Variants in DOCK9 observed in about 807,000 individuals in gnomAD.
The protein encoded by DOCK9 is dedicator of cytokinesis 9.
Under a neutral mutation model 263.3 loss-of-function variants are expected in DOCK9, and 89 were observed. The ratio of observed to expected loss-of-function variants is 0.34; its 90% confidence interval spans 0.28 to 0.40. DOCK9 has a LOEUF of 0.40. Ranked by LOEUF, DOCK9 falls within the 10% of genes least tolerant of loss-of-function variation. The pLI, the probability that DOCK9 is intolerant of heterozygous loss-of-function variation, is 1.00. For missense variants in DOCK9, 2,140 were observed against 2,603.4 expected, an observed-to-expected ratio of 0.82 and a Z score of 3.87; for synonymous variants, 976 against 973.1, an observed-to-expected ratio of 1.00 and a Z score of -0.06.
chr13:98,795,996 T>C (rs1322502683), intron 52 of DOCK9, among the ~76,000 whole-genome samples: 1 of 152,148 alleles, frequency 6.6e-6, no homozygotes, highest in Admixed American at 6.5e-5. Flanking sequence ...TGACCTCAGA[T>C]GATCCACCCA....
intron 10 of DOCK9, among the ~76,000 whole-genome samples, 195 bp from the exon 11 acceptor site, chr13:98,903,307 A>T (rs2048572841): frequency 6.6e-6 from 1 of 152,176 alleles, no homozygotes; most frequent in Admixed American, 6.5e-5. Flanking sequence ...ATGGTCAAAG[A>T]CATGGGCCGG....
chr13:99,008,235 T>TATATATATATATATA (rs1491213376), intron 1 of DOCK9, among the ~76,000 whole-genome samples: 20 of 58,088 alleles, frequency 3.4e-4, no homozygotes, highest in South Asian at 2.8e-3. Context: ...TATATATATA[T>TATATATATATATATA]TTTTTTTTTT....
At chr13:98,900,487 A>G (rs1289602997) in intron 13 of DOCK9, among the ~76,000 whole-genome samples, 2 of 152,238 alleles carry the variant, frequency 1.3e-5, no homozygotes, top group African/African-American at 2.4e-5. Flanking sequence ...TCCAGAGACC[A>G]AACTTTACAC....
At chr13:98,820,689 C>T (rs1489635623) in intron 45 of DOCK9, 2 of 430,078 alleles carry the variant, frequency 4.7e-6, no homozygotes, top group Non-Finnish European at 9.2e-6. Context: ...TTGCAAAAAT[C>T]GATATTATTA....
At chr13:98,905,639 T>C (rs1312223513) in intron 9 of DOCK9, among the ~76,000 whole-genome samples, 2 of 152,038 alleles carry the variant, frequency 1.3e-5, no homozygotes, top group East Asian at 1.9e-4. Flanking sequence ...ATGCCAAGGA[T>C]TGGGGATTTC....
At chr13:99,084,595 G>A (rs2042256257) in intron 1 of DOCK9, among the ~76,000 whole-genome samples, 1 of 152,198 alleles carries the variant, frequency 6.6e-6, no homozygotes, top group Non-Finnish European at 1.5e-5. Context: ...CGATGGGAAG[G>A]GCAGATATTC....
At chr13:99,037,834 A>T (rs749433474) in intron 1 of DOCK9, among the ~76,000 whole-genome samples, 37 of 152,220 alleles carry the variant, frequency 2.4e-4, no homozygotes, top group Non-Finnish European at 4.7e-4. Context: ...ATGCGTCTCA[A>T]ATTATGTGAA....
At chr13:99,077,819 G>A (rs1194811632) in intron 1 of DOCK9, among the ~76,000 whole-genome samples, 4 of 152,188 alleles carry the variant, frequency 2.6e-5, no homozygotes, top group Non-Finnish European at 5.9e-5. Flanking sequence ...TGAGGTCCCA[G>A]GACAATATGG....
chr13:98,901,945 C>T (rs1173939296), intron 12 of DOCK9, 45 bp from the exon 13 acceptor site: 3 of 1,597,716 alleles, frequency 1.9e-6, no homozygotes, highest in Admixed American at 1.7e-5. Context: ...TTCACAGCTA[C>T]GTTAAACAAA....
At chr13:98,920,054 C>T (rs781312852) in intron 7 of DOCK9, among the ~76,000 whole-genome samples, 21 of 151,940 alleles carry the variant, frequency 1.4e-4, no homozygotes, top group Admixed American at 4.0e-4. Flanking sequence ...GATGGATGGA[C>T]AGATGATGGA....
In DOCK9 at chr13:99,064,476, G is replaced by A. The variant is rs527455989; in HGVS notation, c.129+21747C>T. Among the ~76,000 whole-genome samples, 9 of 152,288 alleles carry A rather than the reference G, an allele frequency of 5.9e-5. No homozygotes were observed. In the South Asian group the frequency reaches 1.7e-3, roughly 28 times the overall value. On this transcript the variant is annotated intron_variant, in intron 1 of 32. Transcript: ENST00000427887. ...TAATTTATCAATCCATGCAGTGACT[G>A]AGCTTTTATTTGGAAATATGAAAGA...
chr13:98,911,011 A>C (rs2049930775), intron 9 of DOCK9, among the ~76,000 whole-genome samples: 1 of 152,174 alleles, frequency 6.6e-6, no homozygotes. Context: ...GATGATAAAC[A>C]GCCAAAACTG....
rs116536846 is a variant in DOCK9, at chr13:98,881,990, T to C, written c.2577A>G (p.Glu859=). 3.4e-4 allele frequency: 540 copies of C among 1,591,832 alleles called. 1 individual carries two copies. In the African/African-American group the frequency reaches 6.3e-3, roughly 18 times the overall value. The change falls in exon 24 of 53, where the codon GAA becomes GAG. Residue 859 remains glutamate (E), a synonymous_variant. Transcript: ENST00000682017. ...GCAAGAAGGCGATCATCACGTGGCCTTCCATCGCATGCAGACTCTACGGAC... is the reference window on the plus strand; with the variant it reads ...GCAAGAAGGCGATCATCACGTGGCCCTCCATCGCATGCAGACTCTACGGAC... The part of the protein sequence containing the change: ...VKYLKSLHAM[E]GHVMIAFLPT...
intron 10 of DOCK9, 84 bp from the exon 11 acceptor site, chr13:98,903,196 A>G: frequency 1.8e-6 from 2 of 1,126,494 alleles, no homozygotes; most frequent in East Asian, 5.4e-5. Context: ...GAAACGGAAT[A>G]AAATATGGAA....
chr13:99,047,640 T>C (rs1361113063), intron 1 of DOCK9, among the ~76,000 whole-genome samples: 1 of 150,756 alleles, frequency 6.6e-6, no homozygotes, highest in Non-Finnish European at 1.5e-5. Context: ...TGCCTCAGCC[T>C]CCTGAGTAGC....
intron 1 of DOCK9, among the ~76,000 whole-genome samples, chr13:99,029,677 TAGTG>T (rs976420725): frequency 2.6e-5 from 4 of 152,302 alleles, no homozygotes; most frequent in East Asian, 3.9e-4. Context: ...AAGACTGACA[TAGTG>T]AGTGTTGGCA....
In DOCK9 at chr13:99,063,837, T is replaced by C. The variant is rs566176878; in HGVS notation, c.129+22386A>G. Among the ~76,000 whole-genome samples, 246 of 151,650 alleles carry C rather than the reference T, an allele frequency of 1.6e-3. 8 individuals are homozygous for C. The South Asian group carries it at 0.048, about 30-fold the overall frequency. The stretch of plus-strand genomic sequence containing the variant: ...AATTCTCAACTTTTTTTTTTTTCCA[T>C]TCATCTTCAAGCACAACTCATCTTG... On this transcript the variant is annotated intron_variant, in intron 1 of 32. Transcript: ENST00000427887.
chr13:99,033,542 C>A (rs1306301251), intron 1 of DOCK9, among the ~76,000 whole-genome samples: 1 of 152,164 alleles, frequency 6.6e-6, no homozygotes, highest in South Asian at 2.1e-4. Context: ...ACACTGTCAG[C>A]GAGTGCAGTT....
intron 1 of DOCK9, among the ~76,000 whole-genome samples, chr13:99,069,003 A>C (rs1318079705): frequency 6.6e-6 from 1 of 152,246 alleles, no homozygotes; most frequent in African/African-American, 2.4e-5. Context: ...TCTTTCTATA[A>C]TAATACAGTT....
Sources: allele counts gnomAD v4.1 joint callset (sites outside exome capture counted in the v4.1 genomes callset), GRCh38; gene constraint gnomAD v4.1.1; transcripts MANE v1.5; gene names NCBI Gene and HGNC (gene_info 2026-07-23, HGNC 2026-07-21).